VPS45: variants seen among roughly 807,000 people sequenced by gnomAD.
The protein encoded by VPS45 is vacuolar protein sorting-associated protein 45.
A neutral mutation model predicts 75.9 loss-of-function variants in VPS45; 35 were observed. That is an observed-to-expected ratio of 0.46 (90% CI 0.35 to 0.61). The LOEUF is 0.61. Among genes scored for constraint, VPS45 ranks in the 20% least tolerant of loss-of-function variants. VPS45 has a pLI of 0.00. For missense variants in VPS45, 559 were observed against 685.9 expected (o/e 0.81, Z 2.07); for synonymous variants, 220 against 238.2 (o/e 0.92, Z 0.70).
At chr1:150,123,244 C>T (rs1658331709) in intron 14 of VPS45, among the ~76,000 whole-genome samples, 1 of 152,070 alleles carries the variant, frequency 6.6e-6, no homozygotes, top group South Asian at 2.1e-4. Context: ...ATGCATGTGC[C>T]ATGTTTTATT....
chr1:150,113,331 A>G (rs945664273), intron 14 of VPS45, among the ~76,000 whole-genome samples: 2 of 152,196 alleles, frequency 1.3e-5, no homozygotes, highest in South Asian at 4.1e-4. Context: ...TTTCTGTGAT[A>G]CCACATACAT....
chr1:150,082,902 G>A lies in VPS45; in HGVS notation c.1104+19G>A. The A allele has an allele frequency of 1.9e-5, 31 of 1,609,048 alleles. No homozygotes were observed. The highest frequency in any genetic ancestry group is 2.6e-5 in the Non-Finnish European group (31 of 1,177,276). On this transcript the variant is annotated intron_variant, in intron 10 of 14. Transcript: ENST00000644510. Reference sequence around the variant, plus strand: ...TCTCCAGGTCAGTCCAATTTGATGAGCACCTACTATGTGTAAGGCACTGTG... The same window carrying A: ...TCTCCAGGTCAGTCCAATTTGATGAACACCTACTATGTGTAAGGCACTGTG...
chr1:150,073,339 A>C (rs189549352), intron 3 of VPS45, among the ~76,000 whole-genome samples: 36 of 152,312 alleles, frequency 2.4e-4, no homozygotes, highest in African/African-American at 7.5e-4. Context: ...TACTTTCTTC[A>C]GCGTATACTA....
intron 14 of VPS45, among the ~76,000 whole-genome samples, chr1:150,142,100 G>A (rs1195469475): frequency 2.0e-5 from 3 of 151,656 alleles, no homozygotes; most frequent in Non-Finnish European, 4.4e-5. Flanking sequence ...TTTTTTTTAA[G>A]TCATAGTGGC....
At chr1:150,077,463 TA>T (rs1553798371) in intron 6 of VPS45, 1 of 698,006 alleles carries the variant, frequency 1.4e-6, no homozygotes, top group Non-Finnish European at 2.3e-6. Context: ...TTGGTCCAGT[TA>T]AACCACTTAT....
In VPS45 at chr1:150,118,911, C is replaced by T. The variant is rs181437935; in HGVS notation, c.1625+8284C>T. ...CAGAATTGTTCACTGGCTTCCTGACCAAAGAAACTTTTGCAAAGAGGGAGT... is the reference window on the plus strand; with the variant it reads ...CAGAATTGTTCACTGGCTTCCTGACTAAAGAAACTTTTGCAAAGAGGGAGT... On this transcript the variant is annotated intron_variant, in intron 14 of 14. Coordinates refer to ENST00000644510, the MANE Select transcript of VPS45 (RefSeq NM_007259.5). 3.3e-4 allele frequency among the ~76,000 whole-genome samples: 50 copies of T among 152,168 alleles called. No individual in the cohort carries two copies. The East Asian group carries it at 8.5e-3, about 26-fold the overall frequency.
chr1:150,116,580 C>T lies in VPS45; in HGVS notation c.1625+5953C>T, dbSNP rs78870180. ...GCTTTTAACCACTATGCATTTCCTT[C>T]CTCAGTATTACTTGAATGCCTAATG... On this transcript the variant is annotated intron_variant, in intron 14 of 14. Coordinates refer to ENST00000644510, the MANE Select transcript of VPS45 (RefSeq NM_007259.5). 1.1e-4 allele frequency among the ~76,000 whole-genome samples: 16 copies of T among 152,234 alleles called. No individual in the cohort carries two copies. In the East Asian group the frequency reaches 2.3e-3, roughly 22 times the overall value.
At position 150,110,569 on chromosome 1, in the gene VPS45, C is replaced by T. The variant is rs782426640; in HGVS notation, c.1567C>T (p.Arg523Cys). The change falls in exon 14 of 15, where the codon CGC (arginine) becomes TGC (cysteine). Residue 523 changes from arginine (R) to cysteine (C), a missense_variant. Coordinates refer to ENST00000644510, the MANE Select transcript of VPS45 (RefSeq NM_007259.5). ...EEALTVYNLNRTTPGVRIVLG... is the reference protein window; with the variant it reads ...EEALTVYNLNCTTPGVRIVLG... ...GGCTCTAACAGTTTATAACCTGAAC[C>T]GCACCACTCCTGGAGTGAGGATTGT... is the stretch of plus-strand genomic sequence containing the variant. 59 of 1,613,708 alleles carry T rather than the reference C, an allele frequency of 3.7e-5. No individual in the cohort carries two copies. The highest frequency in any genetic ancestry group is 4.7e-5 in the Non-Finnish European group (55 of 1,179,884).
At chr1:150,082,628 C>A (rs1396659995) in intron 9 of VPS45, 88 bp from the exon 10 acceptor site, 4 of 1,485,850 alleles carry the variant, frequency 2.7e-6, no homozygotes, top group South Asian at 2.8e-5. Context: ...TGAAAAACAA[C>A]CCCCGCTTTC....
intron 14 of VPS45, among the ~76,000 whole-genome samples, chr1:150,116,299 T>C (rs782565169): frequency 4.6e-5 from 7 of 152,226 alleles, no homozygotes; most frequent in Non-Finnish European, 8.8e-5. Flanking sequence ...AGAAGTGACA[T>C]AATATTATTA....
chr1:150,136,101 T>C (rs1553813612), intron 14 of VPS45, among the ~76,000 whole-genome samples: 1 of 149,632 alleles, frequency 6.7e-6, no homozygotes, highest in Non-Finnish European at 1.5e-5. Flanking sequence ...ATACAAAAAT[T>C]AGCCAGGCAT....
rs1292242016 is a variant in VPS45 at position 150,097,089 on chromosome 1, TC to T, written c.1493+3442del. On this transcript the variant is annotated intron_variant, in intron 13 of 14. Coordinates refer to ENST00000644510, the MANE Select transcript of VPS45 (RefSeq NM_007259.5). Reference sequence around the variant, plus strand: ...AAAGCAGGATGTTGTAACATTTCTTTCTTTTTTTTTTTTTTTGAGACAGAGT... The same window carrying T: ...AAAGCAGGATGTTGTAACATTTCTTTTTTTTTTTTTTTTTTGAGACAGAGT... Among the ~76,000 whole-genome samples the T allele has an allele frequency of 1.9e-3, 21 of 11,344 alleles. 1 individual carries two copies. The highest frequency in any genetic ancestry group is 5.0e-3 in the Non-Finnish European group (11 of 2,196). The allele number at this position is 11,344 out of a possible 152,430, so 7.4% of individuals were successfully genotyped here.
intron 2 of VPS45, 50 bp downstream of exon 2, chr1:150,068,814 T>C (rs1654871584): frequency 6.8e-7 from 1 of 1,471,004 alleles, no homozygotes; most frequent in East Asian, 2.5e-5. Flanking sequence ...CAGAACACTC[T>C]GATCTGAAAG....
At chr1:150,119,830 C>T (rs1228944222) in intron 14 of VPS45, among the ~76,000 whole-genome samples, 3 of 152,272 alleles carry the variant, frequency 2.0e-5, no homozygotes, top group East Asian at 3.9e-4. Flanking sequence ...AATCTGAGGC[C>T]GGGCGCGGTG....
At chr1:150,137,780 C>A (rs587737099) in intron 14 of VPS45, among the ~76,000 whole-genome samples, 6 of 151,882 alleles carry the variant, frequency 4.0e-5, no homozygotes, top group Non-Finnish European at 8.8e-5. Context: ...CCAGGCATGG[C>A]GGCGTATTTC....
intron 14 of VPS45, 40 bp downstream of exon 14, chr1:150,110,667 C>A: frequency 6.5e-7 from 1 of 1,538,972 alleles, no homozygotes; most frequent in Non-Finnish European, 8.8e-7. Context: ...GTCCTCTTTC[C>A]CAGAGGATAA....
At chr1:150,116,623 T>A (rs1258893524) in intron 14 of VPS45, among the ~76,000 whole-genome samples, 5 of 152,208 alleles carry the variant, frequency 3.3e-5, no homozygotes, top group Non-Finnish European at 7.3e-5. Context: ...ATTCTCTAAA[T>A]AATATTTAAT....
intron 13 of VPS45, chr1:150,109,344 G>C (rs1301070198): frequency 6.6e-6 from 1 of 151,974 alleles, no homozygotes; most frequent in Non-Finnish European, 1.5e-5. Flanking sequence ...ATTTTACTGG[G>C]AAATCTCTGC....
In VPS45 at chr1:150,143,796, G is replaced by A. The variant is rs948457170; in HGVS notation, c.1626-913G>A. On this transcript the variant is annotated intron_variant, in intron 14 of 14. Transcript: ENST00000644510. ...CTGAAAGGCACAGAATCTAGAGCCT[G>A]GATCTGAATCCCAGCTGAGCCACTT... Among the ~76,000 whole-genome samples the A allele has an allele frequency of 6.6e-5, 10 of 152,156 alleles. No individual in the cohort carries two copies. The South Asian group carries it at 1.2e-3, about 19-fold the overall frequency.
Sources: gnomAD v4.1 joint callset for allele counts (sites outside exome capture counted in the v4.1 genomes callset) on GRCh38, gnomAD v4.1.1 for gene constraint, MANE v1.5 for transcripts, NCBI Gene and HGNC (gene_info 2026-07-23, HGNC 2026-07-21) for gene names.